The following TMC8 variants were observed in gnomAD, a reference collection of about 807,000 sequenced individuals.
The protein encoded by TMC8 is transmembrane channel-like protein 8.
In TMC8, 71 loss-of-function variants were observed where a neutral mutation model predicts 76.0. The observed-to-expected ratio is 0.93, with a 90% CI of 0.77 to 1.14. TMC8 has a LOEUF of 1.14. Ranked by LOEUF, TMC8 falls within the 50% of genes most tolerant of loss-of-function variation. The pLI is 0.00. For missense variants in TMC8, 924 were observed against 947.9 expected (o/e 0.97, Z 0.33); for synonymous variants, 433 against 433.8 (o/e 1.00, Z 0.02).
rs1283451562 is a variant in TMC8, at chr17:78,132,012, G to A, written c.280G>A (p.Ala94Thr). 3 of 1,533,134 alleles carry A rather than the reference G, an allele frequency of 2.0e-6. No homozygotes were observed. The highest frequency in any genetic ancestry group is 2.6e-6 in the Non-Finnish European group (3 of 1,145,734). 95.0% of individuals were successfully genotyped at this position (1,533,134 alleles called of 1,614,324 possible). Residue 94 changes from alanine (A) to threonine (T), a missense_variant, in exon 3 of 16, where the codon GCG (alanine) becomes ACG (threonine). Transcript: ENST00000318430. ...LARGLGLWEG[A>T]LYEIGGLFGT... ...CCGGGGCCTTGGGCTCTGGGAGGGG[G>A]CGCTCTACGAGATCGGGGGTAGGAC...
chr17:78,132,241 C>T (rs1466197650), intron 3 of TMC8, 118 bp from the exon 4 acceptor site: 13 of 1,417,578 alleles, frequency 9.2e-6, no homozygotes, highest in African/African-American at 2.8e-5. Context: ...CCTCCGGACT[C>T]GGGCGGGTGG....
chr17:78,131,791 C>G, intron 2 of TMC8, 54 bp downstream of exon 2: 1 of 1,540,800 alleles, frequency 6.5e-7, no homozygotes, highest in Non-Finnish European at 8.7e-7. Context: ...GCGAGGCTGC[C>G]CCGTCGGATG....
chr17:78,137,315 A>G lies in TMC8; in HGVS notation c.1208A>G (p.Lys403Arg), dbSNP rs1369875911. 1.2e-6 allele frequency: 2 copies of G among 1,613,982 alleles called. No individual in the cohort carries two copies. Among genetic ancestry groups the G allele is most frequent in the African/African-American group, 1.3e-5 (1 of 75,048 alleles). The part of the protein sequence containing the change: ...GQTILCIGRD[K>R]SSCESYGYNV... ...ACCATACTGTGCATTGGCAGAGACA[A>G]GAGCAGCTGTGAGTCCTACGGCTAC... The change falls in exon 10 of 16, where the codon AAG (lysine) becomes AGG (arginine). Residue 403 changes from lysine to arginine, a missense_variant. Coordinates refer to ENST00000318430, the MANE Select transcript of TMC8 (RefSeq NM_152468.5).
At chr17:78,137,171 G>T in intron 9 of TMC8, 64 bp from the exon 10 acceptor site, 1 of 1,605,338 alleles carries the variant, frequency 6.2e-7, no homozygotes, top group African/African-American at 1.3e-5. Flanking sequence ...CACACCTATA[G>T]CCTGGGTAGA....
Position 78,132,441 on chromosome 17 carries a change from C to G in TMC8, c.381C>G (p.Thr127=), listed in dbSNP as rs1322234531. The G allele has an allele frequency of 2.5e-6, 4 of 1,612,634 alleles. No homozygotes were observed. The highest frequency in any genetic ancestry group is 1.7e-4 in the Middle Eastern group (1 of 6,058). The stretch of plus-strand genomic sequence containing the variant: ...TCAACCTGCTGAGCCTGCTGCTCAC[C>G]GCAAGCTTCGTGCTGCTGCCCCTGG... ...LLLNLLSLLL[T]ASFVLLPLVW... The change falls in exon 4 of 16, where the codon ACC becomes ACG. Residue 127 remains threonine, a synonymous_variant. Coordinates refer to ENST00000318430, the MANE Select transcript of TMC8 (RefSeq NM_152468.5).
chr17:78,131,733 A>G lies in TMC8; in HGVS notation c.145A>G (p.Ile49Val). The G allele has an allele frequency of 6.3e-7, 1 of 1,583,022 alleles. No homozygotes were observed. The highest frequency in any genetic ancestry group is 8.6e-7 in the Non-Finnish European group (1 of 1,166,814). The part of the protein sequence containing the change: ...LPYAMMDKRL[I>V]WQLREPAGVQ... ...CTATGCCATGATGGACAAGCGCCTC[A>G]TCTGGTGGGTGCCACGCGGGCGCCA... The change falls in exon 2 of 16, where the codon ATC (isoleucine) becomes GTC (valine). Residue 49 changes from isoleucine to valine, a missense_variant. Transcript: ENST00000318430.
At chr17:78,132,156 C>A (rs576012699) in intron 3 of TMC8, 126 bp downstream of exon 3, 3 of 1,447,294 alleles carry the variant, frequency 2.1e-6, no homozygotes, top group South Asian at 2.5e-5. Flanking sequence ...GGCCCCTCCC[C>A]CCTCCCACCC....
intron 9 of TMC8, among the ~76,000 whole-genome samples, chr17:78,135,604 C>G (rs1300978596): frequency 2.0e-5 from 3 of 152,146 alleles, no homozygotes; most frequent in Non-Finnish European, 2.9e-5. Flanking sequence ...GTCTAGACCC[C>G]CTACTTCTCC....
At position 78,138,683 on chromosome 17, in the gene TMC8, C is replaced by T; in HGVS notation, c.1774C>T (p.His592Tyr). The part of the protein sequence containing the change: ...GLPPIGQRAL[H>Y]YLGSHAFSFP... ...CCCGCCCATTGGCCAGCGTGCCCTC[C>T]ACTACCTGGGCTCCCACGCCTTCAG... Residue 592 changes from histidine (H) to tyrosine (Y), a missense_variant, in exon 14 of 16, where the codon CAC (histidine) becomes TAC (tyrosine). Transcript: ENST00000318430. 10 of 1,613,386 alleles carry T rather than the reference C, an allele frequency of 6.2e-6. No homozygotes were observed. The highest frequency in any genetic ancestry group is 8.5e-6 in the Non-Finnish European group (10 of 1,180,032).
At chr17:78,137,431 C>A (rs1598919455) in intron 10 of TMC8, 73 bp downstream of exon 10, 1 of 1,608,694 alleles carries the variant, frequency 6.2e-7, no homozygotes, top group East Asian at 2.2e-5. Flanking sequence ...CTGTGCAGAG[C>A]CCTGTTCCTG....
chr17:78,134,660 G>A (rs1471526530), intron 8 of TMC8, 96 bp downstream of exon 8: 2 of 1,555,150 alleles, frequency 1.3e-6, no homozygotes, highest in Non-Finnish European at 1.7e-6. Flanking sequence ...GGCTCAGAGA[G>A]GTTCAATCGG....
At position 78,134,550 on chromosome 17, in the gene TMC8, C is replaced by A; in HGVS notation, c.973C>A (p.Gln325Lys). ...SAIFWATKYSQDNKEESLFLL... is the reference protein window; with the variant it reads ...SAIFWATKYSKDNKEESLFLL... Reference sequence around the variant, plus strand: ...CATCTTCTGGGCTACCAAGTACTCACAGGACAACAAGGAGGTGTCAGGCAA... The same window carrying A: ...CATCTTCTGGGCTACCAAGTACTCAAAGGACAACAAGGAGGTGTCAGGCAA... The change falls in exon 8 of 16, where the codon CAG (glutamine) becomes AAG (lysine). Residue 325 changes from glutamine (Q) to lysine (K), a missense_variant. Coordinates refer to ENST00000318430, the MANE Select transcript of TMC8 (RefSeq NM_152468.5). 6.2e-7 allele frequency: 1 copy of A among 1,614,118 alleles called. No homozygotes were observed. The highest frequency in any genetic ancestry group is 8.5e-7 in the Non-Finnish European group (1 of 1,180,032).
rs569450782 is a variant in TMC8 at position 78,141,333 on chromosome 17, G to A, written c.*221G>A. The A allele has an allele frequency of 3.8e-5, 15 of 393,252 alleles. No individual in the cohort carries two copies. The South Asian group carries it at 6.6e-4, about 17-fold the overall frequency. 24.4% of individuals were successfully genotyped at this position (393,252 alleles called of 1,614,324 possible). A position where few individuals can be genotyped will look rare whatever the true frequency, so the allele number is the denominator to read the frequency against. ...CTTTAAAATGTCTATTTTTTATTGT[G>A]TTTTTTATAATATACATAATCTATT... On this transcript the variant is annotated 3_prime_UTR_variant, in exon 16 of 16. Transcript: ENST00000318430.
rs779428022 is a variant in TMC8, at chr17:78,131,926, G to T, written c.194G>T (p.Arg65Leu). The T allele has an allele frequency of 3.3e-5, 50 of 1,501,444 alleles. 1 individual carries two copies. The highest frequency in any genetic ancestry group is 9.7e-6 in the Non-Finnish European group (11 of 1,131,306). 93.0% of individuals were successfully genotyped at this position (1,501,444 alleles called of 1,614,324 possible). ...PAGVQTLRWQ[R>L]WQRRRQTVER... ...GGGGTGCAGACCTTGCGCTGGCAGC[G>T]GTGGCAGCGCCGGCGGCAGACGGTG... The change falls in exon 3 of 16, where the codon CGG (arginine) becomes CTG (leucine). Residue 65 changes from arginine (R) to leucine (L), a missense_variant. Transcript: ENST00000318430.
rs1405784108 is a variant in TMC8, at chr17:78,141,620, C to T, written c.*508C>T. Reference sequence around the variant, plus strand: ...ATCCCTTCCTGTTACTCTTCCTTCACCTGAGACAGTCGAGGCCACAGCGTC... The same window carrying T: ...ATCCCTTCCTGTTACTCTTCCTTCATCTGAGACAGTCGAGGCCACAGCGTC... On this transcript the variant is annotated 3_prime_UTR_variant, in exon 16 of 16. Coordinates refer to ENST00000318430, the MANE Select transcript of TMC8 (RefSeq NM_152468.5). The T allele has an allele frequency of 1.3e-5, 2 of 152,330 alleles. No individual in the cohort carries two copies. The highest frequency in any genetic ancestry group is 4.8e-5 in the African/African-American group (2 of 41,464). 9.4% of individuals were successfully genotyped at this position (152,330 alleles called of 1,614,324 possible). A position where few individuals can be genotyped will look rare whatever the true frequency, so the allele number is the denominator to read the frequency against.
chr17:78,138,523 G>A (rs565806022), intron 13 of TMC8, 44 bp downstream of exon 13: 2 of 1,613,432 alleles, frequency 1.2e-6, no homozygotes. Context: ...GGCAGGGGCA[G>A]TTTCTCACCC....
chr17:78,134,118 C>A, intron 7 of TMC8, 118 bp downstream of exon 7: 3 of 1,472,546 alleles, frequency 2.0e-6, no homozygotes, highest in South Asian at 1.1e-5. Context: ...TGTGTGTGAG[C>A]GTGTGTGGGA....
At chr17:78,138,504 C>G (rs750107471) in intron 13 of TMC8, 25 bp downstream of exon 13, 1 of 1,613,572 alleles carries the variant, frequency 6.2e-7, no homozygotes, top group Admixed American at 1.7e-5. Flanking sequence ...AGGGGGGCAC[C>G]CAGAGGCTGG....
At chr17:78,137,082 T>C in intron 9 of TMC8, 153 bp from the exon 10 acceptor site, 2 of 1,212,094 alleles carry the variant, frequency 1.7e-6, no homozygotes, top group Non-Finnish European at 1.2e-6. Context: ...GAACGCACTT[T>C]GGACCACATT....
Sources: gnomAD v4.1 joint callset for allele counts (sites outside exome capture counted in the v4.1 genomes callset) on GRCh38, gnomAD v4.1.1 for gene constraint, MANE v1.5 for transcripts, NCBI Gene and HGNC (gene_info 2026-07-23, HGNC 2026-07-21) for gene names.